The following TUSC3 variants were observed in gnomAD, a reference collection of about 807,000 sequenced individuals.
TUSC3 encodes tumor suppressor candidate 3.
In TUSC3, 45 loss-of-function variants were observed where a neutral mutation model predicts 44.8. The ratio of observed to expected loss-of-function variants is 1.00; its 90% confidence interval spans 0.79 to 1.29. TUSC3 has a LOEUF of 1.29. Among genes scored for constraint, TUSC3 ranks in the 50% most tolerant of loss-of-function variants. The probability of loss-of-function intolerance (pLI) is 0.00; values close to 1 mark genes in which losing one functional copy is unlikely to be tolerated. For synonymous variants in TUSC3, 212 were observed against 152.9 expected (o/e 1.39, Z -2.85); for missense variants, 519 against 437.9 (o/e 1.19, Z -1.65).
chr8:15,437,774 T>G (rs967846920), intron 1 of TUSC3, among the ~76,000 whole-genome samples: 30 of 152,316 alleles, frequency 2.0e-4, no homozygotes, highest in Non-Finnish European at 4.1e-4. Context: ...CCAGGATCTA[T>G]ACCTCGAGTT....
Position 15,418,504 on chromosome 8 carries a change from A to G in TUSC3, n.91+1199A>G, listed in dbSNP as rs10102269. On this transcript the variant is annotated intron_variant and non_coding_transcript_variant, in intron 1 of 5. Transcript: ENST00000503191. ...TGTCATTAATCCCACAGGGCTGTCAAGAAAAACTATTAATAGCTAGAGAGC... is the reference window on the plus strand; with the variant it reads ...TGTCATTAATCCCACAGGGCTGTCAGGAAAAACTATTAATAGCTAGAGAGC... Among the ~76,000 whole-genome samples the G allele has an allele frequency of 2.4e-3, 360 of 152,354 alleles. 1 individual carries two copies. The highest frequency in any genetic ancestry group is 0.01 in the Middle Eastern group (3 of 294).
At chr8:15,807,685 C>T in the TUSC3 span, among the ~76,000 whole-genome samples, 2 of 152,112 alleles carry the variant, frequency 1.3e-5, no homozygotes, top group African/African-American at 4.8e-5. Flanking sequence ...AAACACCATA[C>T]AAAAGAACAA....
At chr8:15,782,403 C>G in the TUSC3 span, among the ~76,000 whole-genome samples, 1 of 152,066 alleles carries the variant, frequency 6.6e-6, no homozygotes, top group Admixed American at 6.6e-5. Context: ...CAGTTGGGCT[C>G]AGGAATTTGA....
At chr8:15,676,487 T>C (rs1334770216) in intron 6 of TUSC3, among the ~76,000 whole-genome samples, 1 of 152,214 alleles carries the variant, frequency 6.6e-6, no homozygotes, top group Non-Finnish European at 1.5e-5. Context: ...TAGGTCCCAC[T>C]TGACTATTTT....
chr8:15,662,248 C>T lies in TUSC3; in HGVS notation c.660C>T (p.Asn220=). 1 of 1,613,110 alleles carries T rather than the reference C, an allele frequency of 6.2e-7. No homozygotes were observed. The stretch of plus-strand genomic sequence containing the variant: ...GAGGTTTGCTTTATTTGAGAAGGAA[C>T]AACTTGGAGTTCATCTATAACAAGA... ...LVGGLLYLRR[N]NLEFIYNKTG... The change falls in exon 5 of 11, where the codon AAC becomes AAT. Residue 220 remains asparagine (N), a synonymous_variant. Coordinates refer to ENST00000503731, the MANE Select transcript of TUSC3 (RefSeq NM_006765.4).
chr8:15,849,975 T>A, the TUSC3 span, among the ~76,000 whole-genome samples: 1 of 151,912 alleles, frequency 6.6e-6, no homozygotes, highest in African/African-American at 2.4e-5. Flanking sequence ...CAAGTTGTTT[T>A]CCACTAAAGG....
Position 15,489,805 on chromosome 8 carries a change from G to A in TUSC3, n.189+6322G>A, listed in dbSNP as rs144092479. Among the ~76,000 whole-genome samples, 601 of 152,234 alleles carry A rather than the reference G, an allele frequency of 3.9e-3. 4 individuals carry two copies. Among genetic ancestry groups the A allele is most frequent in the Non-Finnish European group, 6.6e-3 (447 of 68,012 alleles). ...CATCGTGGCCTAAAATAGTTTTTCA[G>A]GTTTACTTTGGAATCCCCTTGGCCA... On this transcript the variant is annotated intron_variant and non_coding_transcript_variant, in intron 2 of 5. Coordinates refer to the TUSC3 transcript ENST00000503191.
At chr8:15,566,606 TTTGTTGTTG>T (rs200620047) in intron 1 of TUSC3, among the ~76,000 whole-genome samples, 1 of 143,714 alleles carries the variant, frequency 7.0e-6, no homozygotes, top group African/African-American at 2.5e-5. Context: ...GACACATTTT[TTTGTTGTTG>T]TTGTTGTTGT....
the TUSC3 span, among the ~76,000 whole-genome samples, chr8:15,851,603 C>A: frequency 1.3e-5 from 2 of 152,254 alleles, no homozygotes; most frequent in African/African-American, 2.4e-5. Flanking sequence ...AGGGACTGAA[C>A]CTTGATTGCT....
intron 3 of TUSC3, among the ~76,000 whole-genome samples, chr8:15,654,098 A>G (rs1410794871): frequency 1.3e-5 from 2 of 152,218 alleles, no homozygotes; most frequent in East Asian, 1.9e-4. Flanking sequence ...ATTTTAATTA[A>G]GAAAAAAGAC....
chr8:15,517,319 G>C (rs1470878677), intron 2 of TUSC3, among the ~76,000 whole-genome samples: 2 of 152,142 alleles, frequency 1.3e-5, no homozygotes, highest in Middle Eastern at 3.4e-3. Flanking sequence ...TTCTAGCAGT[G>C]CTCTATTCTT....
chr8:15,443,206 C>A (rs764366305), intron 1 of TUSC3, among the ~76,000 whole-genome samples: 2 of 151,926 alleles, frequency 1.3e-5, no homozygotes, highest in Non-Finnish European at 2.9e-5. Context: ...CACACTGTCA[C>A]CCAGGCTGGA....
chr8:15,454,783 A>G (rs969221180), intron 1 of TUSC3, among the ~76,000 whole-genome samples: 18 of 152,246 alleles, frequency 1.2e-4, no homozygotes, highest in African/African-American at 4.1e-4. Flanking sequence ...CTTATATAGT[A>G]AACTTGCTGG....
At chr8:15,623,861 A>AAG (rs1482850560) in intron 2 of TUSC3, among the ~76,000 whole-genome samples, 2 of 152,170 alleles carry the variant, frequency 1.3e-5, no homozygotes. Context: ...CTATAGTACA[A>AAG]ATTCACAAGT....
chr8:15,663,307 A>G (rs1196295145), intron 5 of TUSC3, among the ~76,000 whole-genome samples: 5 of 151,704 alleles, frequency 3.3e-5, no homozygotes, highest in Non-Finnish European at 5.9e-5. Context: ...TAATATAATA[A>G]AAATGTTATT....
intron 7 of TUSC3, among the ~76,000 whole-genome samples, chr8:15,741,334 G>A (rs1259281537): frequency 1.3e-5 from 2 of 152,138 alleles, no homozygotes; most frequent in African/African-American, 4.8e-5. Flanking sequence ...CTTATTAGAT[G>A]AATCATAAAA....
At chr8:15,464,580 C>A (rs1290303426) in intron 1 of TUSC3, among the ~76,000 whole-genome samples, 1 of 152,092 alleles carries the variant, frequency 6.6e-6, no homozygotes, top group African/African-American at 2.4e-5. Flanking sequence ...GTTGTATCAT[C>A]CTAATATATC....
chr8:15,695,441 C>T (rs1359669467), intron 6 of TUSC3, among the ~76,000 whole-genome samples: 3 of 152,210 alleles, frequency 2.0e-5, no homozygotes, highest in African/African-American at 4.8e-5. Flanking sequence ...TCACATGGAA[C>T]TGTAAGTCCA....
chr8:15,573,093 A>T (rs1802939216), intron 1 of TUSC3, among the ~76,000 whole-genome samples: 1 of 150,890 alleles, frequency 6.6e-6, no homozygotes, highest in Non-Finnish European at 1.5e-5. Flanking sequence ...CTTATCTGTG[A>T]AGCGCAGTTA....
Sources: allele counts gnomAD v4.1 joint callset (sites outside exome capture counted in the v4.1 genomes callset), GRCh38; gene constraint gnomAD v4.1.1; transcripts MANE v1.5; gene names NCBI Gene and HGNC (gene_info 2026-07-23, HGNC 2026-07-21).